Variants in KHDRBS2 observed in about 807,000 individuals in gnomAD.
The protein encoded by KHDRBS2 is KH RNA binding domain containing, signal transduction associated 2, also known as KH domain-containing, RNA-binding, signal transduction-associated protein 2.
A neutral mutation model predicts 44.3 loss-of-function variants in KHDRBS2; 26 were observed. That is an observed-to-expected ratio of 0.59 (90% CI 0.43 to 0.81). KHDRBS2 has a LOEUF of 0.81. Ranked by LOEUF, KHDRBS2 falls within the 40% of genes least tolerant of loss-of-function variation. The pLI, the probability that KHDRBS2 is intolerant of heterozygous loss-of-function variation, is 0.00. For missense variants in KHDRBS2, 476 were observed against 433.1 expected, an observed-to-expected ratio of 1.10 and a Z score of -0.88; for synonymous variants, 194 against 151.1, an observed-to-expected ratio of 1.28 and a Z score of -2.08.
chr6:62,053,832 C>T (rs1286818474), intron 2 of KHDRBS2, among the ~76,000 whole-genome samples: 1 of 151,800 alleles, frequency 6.6e-6, no homozygotes, highest in Non-Finnish European at 1.5e-5. Context: ...AAAGTGTTTT[C>T]ATAAAAATAT....
chr6:62,000,811 T>A (rs1778097036), intron 3 of KHDRBS2, among the ~76,000 whole-genome samples: 1 of 152,146 alleles, frequency 6.6e-6, no homozygotes, highest in African/African-American at 2.4e-5. Context: ...TTCAAAATAT[T>A]TTGAATTTTC....
At chr6:61,921,171 T>C (rs1288898931) in intron 4 of KHDRBS2, among the ~76,000 whole-genome samples, 1 of 152,024 alleles carries the variant, frequency 6.6e-6, no homozygotes, top group Non-Finnish European at 1.5e-5. Context: ...AATTGCATGG[T>C]AATATCCTTG....
chr6:61,907,164 G>C (rs1021162170), intron 4 of KHDRBS2, among the ~76,000 whole-genome samples: 3 of 152,104 alleles, frequency 2.0e-5, no homozygotes, highest in African/African-American at 4.8e-5. Context: ...ATAATGTTGA[G>C]CATTTTTTTC....
rs189813580 is a variant in KHDRBS2, at chr6:61,913,178, A to G, written c.484-11807T>C. Among the ~76,000 whole-genome samples the G allele has an allele frequency of 7.4e-4, 112 of 152,312 alleles. 1 individual carries two copies. The highest frequency in any genetic ancestry group is 2.5e-3 in the African/African-American group (105 of 41,574). ...TTGTATAAGGCCATTTATATACTCT[A>G]TGATTAATGTACACTTTGATTCTTT... On this transcript the variant is annotated intron_variant, in intron 4 of 8. Coordinates refer to ENST00000281156, the MANE Select transcript of KHDRBS2 (RefSeq NM_152688.4).
intron 4 of KHDRBS2, among the ~76,000 whole-genome samples, chr6:61,963,845 G>A (rs552806178): frequency 6.6e-6 from 1 of 152,150 alleles, no homozygotes; most frequent in Non-Finnish European, 1.5e-5. Flanking sequence ...GATAACTTCT[G>A]TGATCTATAA....
rs901988905 is a variant in KHDRBS2 at position 61,899,737 on chromosome 6, C to CCA, written c.611+1506_611+1507insTG. 2.9e-5 allele frequency among the ~76,000 whole-genome samples: 4 copies of CCA among 136,706 alleles called. No homozygotes were observed. In the East Asian group the frequency reaches 9.5e-4, roughly 33 times the overall value. The allele number at this position is 136,706 out of a possible 152,430, so 89.7% of individuals were successfully genotyped here. ...AGATAAATTCATTGTTTTAATGCCC[C>CCA]CCCCCCGCATTTTAAGGCATACAAA... On this transcript the variant is annotated intron_variant, in intron 5 of 8. Transcript: ENST00000281156.
the KHDRBS2 span, among the ~76,000 whole-genome samples, chr6:61,595,268 C>T: frequency 1.1e-4 from 16 of 152,010 alleles, no homozygotes; most frequent in African/African-American, 3.4e-4. Flanking sequence ...TATCTTCAGG[C>T]CCATGTTTAT....
At chr6:61,766,940 T>A (rs530389519) in intron 6 of KHDRBS2, among the ~76,000 whole-genome samples, 1 of 152,264 alleles carries the variant, frequency 6.6e-6, no homozygotes, top group East Asian at 1.9e-4. Flanking sequence ...AGCCATTGAA[T>A]GAAATGTTCT....
At position 61,702,655 on chromosome 6, in the gene KHDRBS2, C is replaced by A. The variant is rs75516514; in HGVS notation, c.894-5402G>T. 8.4e-3 allele frequency among the ~76,000 whole-genome samples: 1,271 copies of A among 151,942 alleles called. 19 individuals carry two copies. Among genetic ancestry groups the A allele is most frequent in the African/African-American group, 0.029 (1,189 of 41,478 alleles). Reference sequence around the variant, plus strand: ...TTTTAAAGGAAATTTGTTTATAGAACTTTGTGTATGCTTTAGCGGGATGTC... The same window carrying A: ...TTTTAAAGGAAATTTGTTTATAGAAATTTGTGTATGCTTTAGCGGGATGTC... On this transcript the variant is annotated intron_variant, in intron 7 of 8. Coordinates refer to ENST00000281156, the MANE Select transcript of KHDRBS2 (RefSeq NM_152688.4).
chr6:61,896,384 A>G (rs955701207), intron 5 of KHDRBS2, among the ~76,000 whole-genome samples: 2 of 152,182 alleles, frequency 1.3e-5, no homozygotes, highest in Non-Finnish European at 2.9e-5. Flanking sequence ...CTTAAGATAG[A>G]TATTTTTTTT....
the KHDRBS2 span, among the ~76,000 whole-genome samples, chr6:61,674,281 C>A: frequency 6.6e-6 from 1 of 151,722 alleles, no homozygotes; most frequent in Non-Finnish European, 1.5e-5. Flanking sequence ...CATCAATATT[C>A]TTCATATTGC....
At chr6:61,604,901 C>T in the KHDRBS2 span, among the ~76,000 whole-genome samples, 2 of 152,152 alleles carry the variant, frequency 1.3e-5, no homozygotes, top group Non-Finnish European at 1.5e-5. Context: ...CTTCCCACCT[C>T]TATACAGTCC....
At chr6:61,709,823 A>T (rs1028377737) in intron 7 of KHDRBS2, among the ~76,000 whole-genome samples, 4 of 151,692 alleles carry the variant, frequency 2.6e-5, no homozygotes, top group Non-Finnish European at 5.9e-5. Flanking sequence ...TGAAATGGAC[A>T]TAATTTTAAC....
rs1340878837 is a variant in KHDRBS2 at position 61,845,540 on chromosome 6, A to T, written c.810+49095T>A. On this transcript the variant is annotated intron_variant, in intron 6 of 8. Coordinates refer to ENST00000281156, the MANE Select transcript of KHDRBS2 (RefSeq NM_152688.4). ...TGGCCAGGATGGTCTCGATCTCTTG[A>T]CCTTGTGTCGGCCCGCCTTGGCCTC... 3.3e-5 allele frequency among the ~76,000 whole-genome samples: 5 copies of T among 152,042 alleles called. No individual in the cohort carries two copies. In the East Asian group the frequency reaches 9.7e-4, roughly 29 times the overall value.
the KHDRBS2 span, among the ~76,000 whole-genome samples, chr6:61,580,745 A>G: frequency 6.6e-6 from 1 of 152,028 alleles, no homozygotes; most frequent in Non-Finnish European, 1.5e-5. Flanking sequence ...CTGCGGCTTC[A>G]TTCCTGAAGT....
chr6:62,191,585 C>T (rs959559896), intron 1 of KHDRBS2, among the ~76,000 whole-genome samples: 1 of 152,094 alleles, frequency 6.6e-6, no homozygotes, highest in African/African-American at 2.4e-5. Context: ...ACTCCCAGCA[C>T]TCATTACAAT....
chr6:62,262,939 T>C (rs1838608512), intron 1 of KHDRBS2, among the ~76,000 whole-genome samples: 1 of 151,736 alleles, frequency 6.6e-6, no homozygotes, highest in Non-Finnish European at 1.5e-5. Flanking sequence ...AACTGATACC[T>C]TGGTCAGCTT....
At chr6:62,049,118 T>C (rs1788402584) in intron 2 of KHDRBS2, among the ~76,000 whole-genome samples, 1 of 151,870 alleles carries the variant, frequency 6.6e-6, no homozygotes, top group Admixed American at 6.6e-5. Context: ...ATTCAATTTT[T>C]TTACTGGAGT....
rs1562294163 is a variant in KHDRBS2, at chr6:61,848,507, ATATGTATATATG to A, written c.810+46116_810+46127del. Among the ~76,000 whole-genome samples the A allele has an allele frequency of 1.5e-4, 8 of 54,350 alleles. No individual in the cohort carries two copies. The East Asian group carries it at 2.8e-3, about 19-fold the overall frequency. The allele number at this position is 54,350 out of a possible 152,430, so 35.7% of individuals were successfully genotyped here. A position where few individuals can be genotyped will look rare whatever the true frequency, so the allele number is the denominator to read the frequency against. On this transcript the variant is annotated intron_variant, in intron 6 of 8. Coordinates refer to ENST00000281156, the MANE Select transcript of KHDRBS2 (RefSeq NM_152688.4). ...TATATATATGTATATATATATATAT[ATATGTATATATG>A]TATATATATATACATATATATGTAT...
Sources: gnomAD v4.1 joint callset for allele counts (sites outside exome capture counted in the v4.1 genomes callset) on GRCh38, gnomAD v4.1.1 for gene constraint, MANE v1.5 for transcripts, NCBI Gene and HGNC (gene_info 2026-07-23, HGNC 2026-07-21) for gene names.